SCAMP3: variants seen among roughly 807,000 people sequenced by gnomAD.
The protein encoded by SCAMP3 is secretory carrier-associated membrane protein 3.
A neutral mutation model predicts 44.1 loss-of-function variants in SCAMP3; 30 were observed. That is an observed-to-expected ratio of 0.68 (90% CI 0.51 to 0.92). The LOEUF (loss-of-function observed/expected upper bound fraction) is 0.92, where lower values mean the gene tolerates loss of function less well. Ranked by LOEUF, SCAMP3 falls within the 40% of genes least tolerant of loss-of-function variation. The pLI, the probability that SCAMP3 is intolerant of heterozygous loss-of-function variation, is 0.00. For synonymous variants in SCAMP3, 168 were observed against 171.1 expected (o/e 0.98, Z 0.14); for missense variants, 394 against 440.0 (o/e 0.90, Z 0.93).
intron 7 of SCAMP3, 124 bp downstream of exon 7, chr1:155,257,161 T>A (rs1672825043): frequency 1.5e-6 from 1 of 670,718 alleles, no homozygotes; most frequent in Non-Finnish European, 2.6e-6. Flanking sequence ...GTCTTGTATC[T>A]CATTAAACTA....
At chr1:155,261,493 T>C in intron 2 of SCAMP3, 164 bp downstream of exon 2, 3 of 704,896 alleles carry the variant, frequency 4.3e-6, no homozygotes, top group Non-Finnish European at 7.5e-6. Context: ...CTGGTGGCCC[T>C]AGAAGGATGA....
chr1:155,258,037 G>C (rs1184223470), intron 5 of SCAMP3, among the ~76,000 whole-genome samples: 2 of 122,150 alleles, frequency 1.6e-5, no homozygotes, highest in African/African-American at 5.9e-5. Flanking sequence ...TTTTTTTTTT[G>C]AGATGGAATC....
chr1:155,257,815 G>T (rs528407566), intron 5 of SCAMP3, among the ~76,000 whole-genome samples, 158 bp from the exon 6 acceptor site: 12 of 151,956 alleles, frequency 7.9e-5, no homozygotes, highest in African/African-American at 2.9e-4. Flanking sequence ...GATGGAGAAA[G>T]CAAATGTCAA....
rs1406352729 is a variant in SCAMP3 at position 155,262,198 on chromosome 1, C to T, written c.-47G>A. ...GGCCCTCTGCCCTCCACGCCCCTGC[C>T]GCAGCAGTGGCGGTAGCGGTAGCCC... On this transcript the variant is annotated 5_prime_UTR_variant, in exon 1 of 9. Coordinates refer to ENST00000302631, the MANE Select transcript of SCAMP3 (RefSeq NM_005698.4). 1.0e-5 allele frequency: 16 copies of T among 1,552,740 alleles called. No homozygotes were observed. Among genetic ancestry groups the T allele is most frequent in the Non-Finnish European group, 1.4e-5 (16 of 1,130,080 alleles).
rs748426888 is a variant in SCAMP3, at chr1:155,260,640, G to A, written c.164C>T (p.Pro55Leu). Residue 55 changes from proline to leucine, a missense_variant, in exon 3 of 9, where the codon CCT becomes CTT. Pro to Leu is a moderately conservative substitution (Grantham distance 98). Coordinates refer to ENST00000302631, the MANE Select transcript of SCAMP3 (RefSeq NM_005698.4). ...ETREPPPAYE[P>L]PAPAPLPPPS... ...TGGAGGCAATGGGGCAGGGGCTGGA[G>A]GCTCATAGGCTGGTGGTGGCTGTTG... 1 of 1,612,102 alleles carries A rather than the reference G, an allele frequency of 6.2e-7. No individual in the cohort carries two copies. Among genetic ancestry groups the A allele is most frequent in the East Asian group, 2.2e-5 (1 of 44,888 alleles).
rs1222603186 is a variant in SCAMP3, at chr1:155,258,809, G to A, written c.517+17C>T. 2 of 1,594,276 alleles carry A rather than the reference G, an allele frequency of 1.3e-6. No individual in the cohort carries two copies. Among genetic ancestry groups the A allele is most frequent in the East Asian group, 2.3e-5 (1 of 43,720 alleles). On this transcript the variant is annotated intron_variant, in intron 5 of 8. Transcript: ENST00000302631. ...GATCTACCTGTAACTTCCTCCAAAA[G>A]GCTTCTCACTACTCACACATCCAGA... is the stretch of plus-strand genomic sequence containing the variant.
intron 2 of SCAMP3, chr1:155,261,440 C>T: frequency 1.7e-6 from 1 of 599,200 alleles, no homozygotes; most frequent in East Asian, 2.8e-5. Flanking sequence ...CCAGATCTTC[C>T]CAGGACTGAC....
intron 8 of SCAMP3, 108 bp downstream of exon 8, chr1:155,256,566 G>C: frequency 7.3e-7 from 1 of 1,366,012 alleles, no homozygotes; most frequent in Non-Finnish European, 1.0e-6. Flanking sequence ...CATTAGCTGA[G>C]AACAACCCAG....
Position 155,256,183 on chromosome 1 carries a change from T to C in SCAMP3, c.*90A>G, listed in dbSNP as rs994180089. On this transcript the variant is annotated 3_prime_UTR_variant, in exon 9 of 9. Transcript: ENST00000302631. ...GGAGCACTACGGAGGAGCCATCAGT[T>C]AGTGATGTCTCTCCAAGTCCCAGAG... 7.8e-6 allele frequency: 10 copies of C among 1,285,888 alleles called. No individual in the cohort carries two copies. Among genetic ancestry groups the C allele is most frequent in the Admixed American group, 2.4e-5 (1 of 41,434 alleles). 79.7% of individuals were successfully genotyped at this position (1,285,888 alleles called of 1,614,324 possible). A position where few individuals can be genotyped will look rare whatever the true frequency, so the allele number is the denominator to read the frequency against.
At chr1:155,259,708 A>G (rs1210510853) in intron 4 of SCAMP3, among the ~76,000 whole-genome samples, 1 of 152,172 alleles carries the variant, frequency 6.6e-6, no homozygotes, top group African/African-American at 2.4e-5. Flanking sequence ...CAAGGAGACA[A>G]GTGAGAGTGG....
At chr1:155,258,784 G>C (rs769558937) in intron 5 of SCAMP3, 42 bp downstream of exon 5, 9 of 1,565,636 alleles carry the variant, frequency 5.7e-6, no homozygotes, top group Non-Finnish European at 7.8e-6. Context: ...GCAGTTAAGA[G>C]ATCTACCTGT....
chr1:155,261,442 A>G, intron 2 of SCAMP3: 1 of 600,358 alleles, frequency 1.7e-6, no homozygotes, highest in Non-Finnish European at 3.0e-6. Context: ...AGATCTTCCC[A>G]GGACTGACTT....
rs915665854 is a variant in SCAMP3, at chr1:155,260,342, C to G, written c.376G>C (p.Gly126Arg). Residue 126 changes from glycine to arginine, a missense_variant, in exon 4 of 9, where the codon GGG becomes CGG. Gly to Arg is a moderately radical substitution (Grantham distance 125, BLOSUM62 -2). Transcript: ENST00000302631. ...CTCTATTACTTACTAGCTGTGCCCC[C>G]CAGGGCAGCATGCTGCAGCTCTCGC... ...RERELQHAAL[G>R]GTATRQNNWP... 3.1e-6 allele frequency: 5 copies of G among 1,612,302 alleles called. No homozygotes were observed. Among genetic ancestry groups the G allele is most frequent in the South Asian group, 1.1e-5 (1 of 91,078 alleles).
chr1:155,258,857 C>A lies in SCAMP3; in HGVS notation c.486G>T (p.Lys162Asn). The A allele has an allele frequency of 1.2e-6, 2 of 1,613,130 alleles. No individual in the cohort carries two copies. Among genetic ancestry groups the A allele is most frequent in the Admixed American group, 1.7e-5 (1 of 59,872 alleles). ...ISMEIPQEFQ[K>N]TVSTMYYLWM... ...AGAGGTAGTACATGGTGGATACAGT[C>A]TTCTGAAATTCTTGGGGGATCTCCA... Residue 162 changes from lysine to asparagine, a missense_variant, in exon 5 of 9, where the codon AAG becomes AAT. Coordinates refer to ENST00000302631, the MANE Select transcript of SCAMP3 (RefSeq NM_005698.4).
intron 2 of SCAMP3, 85 bp downstream of exon 2, chr1:155,261,572 C>G: frequency 2.5e-6 from 3 of 1,192,560 alleles, no homozygotes; most frequent in Non-Finnish European, 3.8e-6. Context: ...CCTGTGCATG[C>G]AGAAAAGTCC....
chr1:155,260,391 C>T lies in SCAMP3; in HGVS notation c.327G>A (p.Lys109=). 1 of 1,613,994 alleles carries T rather than the reference C, an allele frequency of 6.2e-7. No individual in the cohort carries two copies. The highest frequency in any genetic ancestry group is 1.1e-5 in the South Asian group (1 of 91,090). ...GCTCCCTTCGGTCCAACTCCTCTGC[C>T]TTCCGGTTGAGCTCCTCCTGTTTCT... ...LLKKQEELNR[K]AEELDRRERE... Residue 109 remains lysine, a synonymous_variant, in exon 4 of 9, where the codon AAG becomes AAA. Coordinates refer to ENST00000302631, the MANE Select transcript of SCAMP3 (RefSeq NM_005698.4).
At chr1:155,257,081 C>T (rs951572975) in intron 7 of SCAMP3, among the ~76,000 whole-genome samples, 2 of 152,216 alleles carry the variant, frequency 1.3e-5, no homozygotes, top group African/African-American at 4.8e-5. Context: ...CTTAGATTGG[C>T]CAAATGCAGC....
Position 155,262,147 on chromosome 1 carries a change from G to C in SCAMP3, c.5C>G (p.Ala2Gly). The change falls in exon 1 of 9, where the codon GCT (alanine) becomes GGT (glycine). Residue 2 changes from alanine to glycine, a missense_variant. Ala to Gly is a moderately conservative substitution (Grantham distance 60). Coordinates refer to ENST00000302631, the MANE Select transcript of SCAMP3 (RefSeq NM_005698.4). M[A>G]QSRDGGNPFA... ...CGGGTTTCCGCCGTCTCTGCTCTGA[G>C]CCATGTTTGCAACTGCGGCCTCCGC... 3 of 1,613,528 alleles carry C rather than the reference G, an allele frequency of 1.9e-6. No individual in the cohort carries two copies. The highest frequency in any genetic ancestry group is 2.5e-6 in the Non-Finnish European group (3 of 1,179,886).
intron 2 of SCAMP3, 142 bp downstream of exon 2, chr1:155,261,515 G>T: frequency 1.3e-6 from 1 of 790,362 alleles, no homozygotes. Flanking sequence ...GCATCCCATG[G>T]CTGACTAGCC....
Sources: gnomAD v4.1 joint callset for allele counts (sites outside exome capture counted in the v4.1 genomes callset) on GRCh38, gnomAD v4.1.1 for gene constraint, MANE v1.5 for transcripts, NCBI Gene and HGNC (gene_info 2026-07-23, HGNC 2026-07-21) for gene names.